Variants in CLPTM1 observed in about 807,000 individuals in gnomAD.
The protein encoded by CLPTM1 is putative lipid scramblase CLPTM1.
CLPTM1 carries 21 observed loss-of-function variants against 77.3 expected under a neutral mutation model. That is an observed-to-expected ratio of 0.27 (90% CI 0.19 to 0.39). The LOEUF is 0.39. Among genes scored for constraint, CLPTM1 ranks in the 10% least tolerant of loss-of-function variants. The pLI, the probability that CLPTM1 is intolerant of heterozygous loss-of-function variation, is 1.00. For synonymous variants in CLPTM1, 373 were observed against 381.0 expected, an observed-to-expected ratio of 0.98 and a Z score of 0.24; for missense variants, 642 against 921.2, an observed-to-expected ratio of 0.70 and a Z score of 3.92.
At chr19:44,968,770 G>T (rs757759891) in intron 2 of CLPTM1, among the ~76,000 whole-genome samples, 72 of 152,326 alleles carry the variant, frequency 4.7e-4, no homozygotes, top group Non-Finnish European at 7.8e-4. Flanking sequence ...CTGCCTGGGG[G>T]CATCACTGCT....
chr19:44,975,554 G>GTT lies in CLPTM1; in HGVS notation c.468+967_468+968dup, dbSNP rs994649493. Among the ~76,000 whole-genome samples, 5 of 147,852 alleles carry GTT rather than the reference G, an allele frequency of 3.4e-5. No homozygotes were observed. In the East Asian group the frequency reaches 7.9e-4, roughly 23 times the overall value. ...GCAGAATGTGGACACAGTCATTCTGGTTTTTTTTTTTGTTTTTTGTTTTTT... is the reference window on the plus strand; with the variant it reads ...GCAGAATGTGGACACAGTCATTCTGGTTTTTTTTTTTTTGTTTTTTGTTTTTT... On this transcript the variant is annotated intron_variant, in intron 4 of 13. Coordinates refer to ENST00000337392, the MANE Select transcript of CLPTM1 (RefSeq NM_001294.4).
chr19:44,979,576 C>A (rs1970861127), intron 5 of CLPTM1, among the ~76,000 whole-genome samples: 1 of 152,010 alleles, frequency 6.6e-6, no homozygotes, highest in South Asian at 2.1e-4. Context: ...ACAAAAATAT[C>A]CTAAAGGATG....
At position 44,992,141 on chromosome 19, in the gene CLPTM1, G is replaced by A; in HGVS notation, c.1556-92G>A. On this transcript the variant is annotated intron_variant, in intron 12 of 13. Coordinates refer to ENST00000337392, the MANE Select transcript of CLPTM1 (RefSeq NM_001294.4). This position sits in a 1 kb window ranked among gnomAD's most constrained non-coding sequence, Gnocchi z 7.7. ...AGTGGTAGAGTGTGCCCAGGTGTAGGAAGTGGTGAGGGGGCTGGTATGGCC... is the reference window on the plus strand; with the variant it reads ...AGTGGTAGAGTGTGCCCAGGTGTAGAAAGTGGTGAGGGGGCTGGTATGGCC... The A allele has an allele frequency of 7.4e-7, 1 of 1,359,832 alleles. No individual in the cohort carries two copies. Among genetic ancestry groups the A allele is most frequent in the Non-Finnish European group, 1.0e-6 (1 of 970,016 alleles). 84.2% of individuals were successfully genotyped at this position (1,359,832 alleles called of 1,614,324 possible).
intron 5 of CLPTM1, among the ~76,000 whole-genome samples, chr19:44,981,116 C>T (rs1970889344): frequency 6.6e-6 from 1 of 151,568 alleles, no homozygotes; most frequent in Non-Finnish European, 1.5e-5. Flanking sequence ...ACTGGGATTA[C>T]AGGCATGAGC....
At position 44,983,324 on chromosome 19, in the gene CLPTM1, G is replaced by A. The variant is rs1398926278; in HGVS notation, c.587-1894G>A. Among the ~76,000 whole-genome samples, 11 of 152,106 alleles carry A rather than the reference G, an allele frequency of 7.2e-5. No individual in the cohort carries two copies. The East Asian group carries it at 1.6e-3, about 22-fold the overall frequency. ...ACTGAGTTTTCCTTCATAGCATAAG[G>A]AAGAGCTGAAAAGTCCCCGGGCTCA... On this transcript the variant is annotated intron_variant, in intron 5 of 13. Coordinates refer to ENST00000337392, the MANE Select transcript of CLPTM1 (RefSeq NM_001294.4).
chr19:44,974,516 C>T lies in CLPTM1; in HGVS notation c.387C>T (p.His129=), dbSNP rs756631414. The change falls in exon 4 of 14, where the codon CAC becomes CAT. Residue 129 remains histidine (H), a synonymous_variant. Transcript: ENST00000337392. ...CGTCGGCACTCTTCTGGGAACAGCA[C>T]GATCTTGTGTATGGCGACTGGACTA... ...NATSALFWEQ[H]DLVYGDWTSG... is the part of the protein sequence containing the mutation. 9 of 1,614,082 alleles carry T rather than the reference C, an allele frequency of 5.6e-6. No individual in the cohort carries two copies. The East Asian group carries it at 6.7e-5, about 12-fold the overall frequency.
intron 2 of CLPTM1, among the ~76,000 whole-genome samples, chr19:44,968,927 C>A (rs552654471): frequency 6.6e-6 from 1 of 152,158 alleles, no homozygotes; most frequent in African/African-American, 2.4e-5. Context: ...TGGACCGTGG[C>A]CCCTAAGACC....
chr19:44,978,570 A>T (rs1002335427), intron 5 of CLPTM1, among the ~76,000 whole-genome samples: 1 of 151,920 alleles, frequency 6.6e-6, no homozygotes, highest in Non-Finnish European at 1.5e-5. Context: ...GAGGTCAAGG[A>T]TGCAGTGAGC....
At chr19:44,976,745 G>A (rs1274467767) in intron 4 of CLPTM1, among the ~76,000 whole-genome samples, 1 of 152,110 alleles carries the variant, frequency 6.6e-6, no homozygotes, top group Non-Finnish European at 1.5e-5. Flanking sequence ...GAGGTAGCAG[G>A]GAGTAGCACC....
intron 2 of CLPTM1, among the ~76,000 whole-genome samples, chr19:44,972,486 T>C (rs940348754): frequency 6.6e-6 from 1 of 152,098 alleles, no homozygotes; most frequent in African/African-American, 2.4e-5. Flanking sequence ...CCTGACCTCG[T>C]GATCCGCCCG....
intron 2 of CLPTM1, among the ~76,000 whole-genome samples, chr19:44,963,976 C>T (rs1047472177): frequency 3.3e-5 from 5 of 151,186 alleles, no homozygotes; most frequent in Admixed American, 3.3e-4. Context: ...CTATGTTGAC[C>T]AGGCTGGTCT....
At chr19:44,972,760 G>T (rs1970741525) in intron 2 of CLPTM1, among the ~76,000 whole-genome samples, 1 of 151,996 alleles carries the variant, frequency 6.6e-6, no homozygotes, top group Admixed American at 6.6e-5. Flanking sequence ...AGGTTTCCCA[G>T]TCTGAGTCAA....
At chr19:44,966,622 T>C (rs1224058870) in intron 2 of CLPTM1, among the ~76,000 whole-genome samples, 1 of 151,006 alleles carries the variant, frequency 6.6e-6, no homozygotes, top group Non-Finnish European at 1.5e-5. Flanking sequence ...TGTGGCCTGG[T>C]CAGGTTATCA....
chr19:44,961,920 C>A, intron 1 of CLPTM1, 43 bp from the exon 2 acceptor site: 1 of 1,366,502 alleles, frequency 7.3e-7, no homozygotes, highest in Non-Finnish European at 1.0e-6. Flanking sequence ...AGACAGCCCC[C>A]GTGTCCATTC....
Position 44,973,259 on chromosome 19 carries a change from G to T in CLPTM1, c.309+49G>T, listed in dbSNP as rs764160023. ...ACTTGGGAGGTGATGGGGTGTGGAG[G>T]GGTGGAATGTGGAGGAGTGATGTCA... On this transcript the variant is annotated intron_variant, in intron 3 of 13. Coordinates refer to ENST00000337392, the MANE Select transcript of CLPTM1 (RefSeq NM_001294.4). 3 of 1,612,484 alleles carry T rather than the reference G, an allele frequency of 1.9e-6. No homozygotes were observed. In the East Asian group the frequency reaches 6.7e-5, roughly 36 times the overall value.
chr19:44,988,625 G>A (rs927252088), intron 9 of CLPTM1, among the ~76,000 whole-genome samples: 4 of 152,254 alleles, frequency 2.6e-5, no homozygotes, highest in African/African-American at 9.6e-5. Context: ...CAGCGTTTGA[G>A]GAGAAGCAGC....
intron 1 of CLPTM1, 79 bp downstream of exon 1, chr19:44,955,546 A>G: frequency 1.7e-6 from 2 of 1,192,238 alleles, no homozygotes; most frequent in African/African-American, 3.2e-5. Context: ...ACCTCTTGTC[A>G]CGGAATCCCG....
rs779968386 is a variant in CLPTM1, at chr19:44,962,023, C to T, written c.133C>T (p.Pro45Ser). 1 of 1,611,442 alleles carries T rather than the reference C, an allele frequency of 6.2e-7. No individual in the cohort carries two copies. Among genetic ancestry groups the T allele is most frequent in the Non-Finnish European group, 8.5e-7 (1 of 1,179,176 alleles). The change falls in exon 2 of 14, where the codon CCG becomes TCG. Residue 45 changes from proline to serine, a missense_variant. This residue lies in a region of CLPTM1 where 121 missense variants were observed against 120.8 expected (regional missense o/e 1.00). Transcript: ENST00000337392. ...PPAETQPQNP[P>S]AQPAPNAWQV... ...AGCGGAGACCCAGCCTCAGAACCCA[C>T]CGGCCCAGCCGGCACCCAATGCCTG...
Position 44,974,525 on chromosome 19 carries a change from G to A in CLPTM1, c.396G>A (p.Val132=), listed in dbSNP as rs1201865618. The A allele has an allele frequency of 6.2e-7, 1 of 1,614,214 alleles. No homozygotes were observed. Among genetic ancestry groups the A allele is most frequent in the Non-Finnish European group, 8.5e-7 (1 of 1,180,040 alleles). The change falls in exon 4 of 14, where the codon GTG becomes GTA. Residue 132 remains valine (V), a synonymous_variant. Coordinates refer to ENST00000337392, the MANE Select transcript of CLPTM1 (RefSeq NM_001294.4). Reference sequence around the variant, plus strand: ...TCTTCTGGGAACAGCACGATCTTGTGTATGGCGACTGGACTAGCGGCGAGA... The same window carrying A: ...TCTTCTGGGAACAGCACGATCTTGTATATGGCGACTGGACTAGCGGCGAGA... ...SALFWEQHDL[V]YGDWTSGENS...
Sources: gnomAD v4.1 joint callset for allele counts (sites outside exome capture counted in the v4.1 genomes callset) on GRCh38, gnomAD v4.1.1 for gene constraint, gnomAD v4.1.1 regional missense constraint, Gnocchi (gnomAD v3.1) non-coding constraint, MANE v1.5 for transcripts, NCBI Gene and HGNC (gene_info 2026-07-23, HGNC 2026-07-21) for gene names.